BPI: variants seen among roughly 807,000 people sequenced by gnomAD.
The protein encoded by BPI is bactericidal permeability-increasing protein.
Under a neutral mutation model 57.6 loss-of-function variants are expected in BPI, and 48 were observed. The observed-to-expected ratio is 0.83, with a 90% confidence interval of 0.66 to 1.06. BPI has a LOEUF of 1.06. Ranked by LOEUF, BPI falls within the 50% of genes least tolerant of loss-of-function variation. The probability of loss-of-function intolerance (pLI) is 0.00; values close to 1 mark genes in which losing one functional copy is unlikely to be tolerated. For missense variants in BPI, 651 were observed against 609.7 expected, an observed-to-expected ratio of 1.07 and a Z score of -0.71; for synonymous variants, 237 against 238.2, an observed-to-expected ratio of 0.99 and a Z score of 0.05.
At chr20:38,309,477 T>A (rs2076612073) in intron 3 of BPI, among the ~76,000 whole-genome samples, 1 of 152,184 alleles carries the variant, frequency 6.6e-6, no homozygotes, top group African/African-American at 2.4e-5. Flanking sequence ...GCTCCACCTG[T>A]GTCTCCTCCT....
chr20:38,332,422 A>G (rs1306665632), intron 12 of BPI, among the ~76,000 whole-genome samples: 1 of 152,176 alleles, frequency 6.6e-6, no homozygotes, highest in African/African-American at 2.4e-5. Flanking sequence ...TTTTGGAAGT[A>G]GATTTAGAGA....
At chr20:38,314,634 G>GAATAA (rs2076642323) in intron 5 of BPI, among the ~76,000 whole-genome samples, 2 of 119,216 alleles carry the variant, frequency 1.7e-5, no homozygotes, top group African/African-American at 3.2e-5. Context: ...GATGATGATG[G>GAATAA]TGGTGATGGT....
intron 9 of BPI, 91 bp downstream of exon 9, chr20:38,324,924 C>T: frequency 9.9e-7 from 1 of 1,008,680 alleles, no homozygotes; most frequent in South Asian, 1.3e-5. Context: ...CTCCACCCAA[C>T]ATAACACACA....
At chr20:38,314,222 G>C (rs1297233731) in intron 5 of BPI, among the ~76,000 whole-genome samples, 2 of 149,482 alleles carry the variant, frequency 1.3e-5, no homozygotes, top group African/African-American at 4.9e-5. Flanking sequence ...TGATGGTGGT[G>C]ATGGTAATGG....
chr20:38,333,908 G>A (rs1268614585), intron 12 of BPI, among the ~76,000 whole-genome samples: 1 of 146,044 alleles, frequency 6.8e-6, no homozygotes, highest in African/African-American at 2.6e-5. Flanking sequence ...GTCTTGCTGT[G>A]TTGCCCAGGC....
In BPI at chr20:38,310,424, T is replaced by C; in HGVS notation, c.375-67T>C. 3 of 1,567,664 alleles carry C rather than the reference T, an allele frequency of 1.9e-6. No individual in the cohort carries two copies. The South Asian group carries it at 3.5e-5, about 19-fold the overall frequency. On this transcript the variant is annotated intron_variant, in intron 3 of 14. Coordinates refer to ENST00000642449, the MANE Select transcript of BPI (RefSeq NM_001725.3). ...AATAACAAAACCCGCCTTCCAGCAC[T>C]GGGGCAAAGTTTGAATGTCAGTGGG...
chr20:38,310,350 G>A lies in BPI; in HGVS notation c.375-141G>A, dbSNP rs889233039. ...CCATTCGGCTGCTATGTGATCTTGG[G>A]CAAGCTGCCTCTTCTCTCTGAACGT... On this transcript the variant is annotated intron_variant, in intron 3 of 14. Transcript: ENST00000642449. 18 of 1,014,322 alleles carry A rather than the reference G, an allele frequency of 1.8e-5. No homozygotes were observed. In the African/African-American group the frequency reaches 2.4e-4, roughly 14 times the overall value. 62.8% of individuals were successfully genotyped at this position (1,014,322 alleles called of 1,614,324 possible). A position where few individuals can be genotyped will look rare whatever the true frequency, so the allele number is the denominator to read the frequency against.
intron 11 of BPI, among the ~76,000 whole-genome samples, chr20:38,330,513 T>C (rs1037908333): frequency 6.6e-6 from 1 of 152,184 alleles, no homozygotes; most frequent in Admixed American, 6.5e-5. Flanking sequence ...GTATATTGGC[T>C]CAGGTAACTG....
intron 14 of BPI, among the ~76,000 whole-genome samples, chr20:38,336,306 C>A (rs770276038): frequency 4.6e-5 from 7 of 152,108 alleles, no homozygotes; most frequent in Non-Finnish European, 1.0e-4. Context: ...ATTGGCAAGC[C>A]TTCGTCACTC....
intron 7 of BPI, chr20:38,321,740 G>A (rs181972412): frequency 6.6e-6 from 1 of 152,246 alleles, no homozygotes; most frequent in East Asian, 1.9e-4. Context: ...AAGAGAGAGA[G>A]AGAGAGAATT....
intron 5 of BPI, among the ~76,000 whole-genome samples, chr20:38,315,652 G>T (rs1203460571): frequency 6.6e-6 from 1 of 152,154 alleles, no homozygotes; most frequent in Admixed American, 6.5e-5. Flanking sequence ...GAGAATGCCA[G>T]TCCAGGTCCT....
chr20:38,327,694 T>C (rs1249988610), intron 11 of BPI, 39 bp downstream of exon 11: 12 of 1,597,134 alleles, frequency 7.5e-6, no homozygotes, highest in Non-Finnish European at 1.0e-5. Context: ...GCTGCCCCTC[T>C]GTCCTTGGTG....
At position 38,323,924 on chromosome 20, in the gene BPI, A is replaced by G. The variant is rs1254078180; in HGVS notation, c.811A>G (p.Met271Val). 6 of 1,614,168 alleles carry G rather than the reference A, an allele frequency of 3.7e-6. No homozygotes were observed. Among genetic ancestry groups the G allele is most frequent in the Non-Finnish European group, 5.1e-6 (6 of 1,180,018 alleles). ...TCCACCTCCCTTTGCTCCACCAGTG[A>G]TGGAGTTTCCCGCTGCCCATGACCG... ...HNPPPFAPPV[M>V]EFPAAHDRMV... The change falls in exon 8 of 15, where the codon ATG (methionine) becomes GTG (valine). Residue 271 changes from methionine to valine, a missense_variant. Physicochemically the swap from Met to Val is conservative, Grantham distance 21. Transcript: ENST00000642449.
chr20:38,312,735 G>T (rs2076627605), intron 5 of BPI, among the ~76,000 whole-genome samples: 1 of 150,548 alleles, frequency 6.6e-6, no homozygotes, highest in South Asian at 2.1e-4. Context: ...CTAGGTGGAA[G>T]ATGTTGGTTT....
chr20:38,329,375 C>T (rs137956116), intron 11 of BPI, among the ~76,000 whole-genome samples: 3 of 152,230 alleles, frequency 2.0e-5, no homozygotes, highest in African/African-American at 7.2e-5. Context: ...CCAAGTCGTC[C>T]TTCTTCACCT....
intron 5 of BPI, among the ~76,000 whole-genome samples, chr20:38,313,817 GT>G: frequency 6.7e-6 from 1 of 150,286 alleles, no homozygotes; most frequent in East Asian, 2.0e-4. Context: ...GATGGTGATG[GT>G]GAGGATGATA....
chr20:38,312,108 A>T (rs1002415755), intron 5 of BPI, among the ~76,000 whole-genome samples, 171 bp downstream of exon 5: 1 of 152,086 alleles, frequency 6.6e-6, no homozygotes, highest in African/African-American at 2.4e-5. Context: ...GTTTTGCTGA[A>T]GAGTCCACCA....
intron 1 of BPI, 37 bp downstream of exon 1, chr20:38,304,390 G>A: frequency 6.2e-7 from 1 of 1,606,362 alleles, no homozygotes; most frequent in Non-Finnish European, 8.5e-7. Flanking sequence ...CTCCACCCCT[G>A]AGGAGCACTT....
rs141995387 is a variant in BPI, at chr20:38,334,410, A to ATCCTCCCT, written c.1273-19_1273-12dup. On this transcript the variant is annotated intron_variant, in intron 12 of 14. Transcript: ENST00000642449. Reference sequence around the variant, plus strand: ...TCTGGCGATGCAGGGCCATCCTCCCATCCTCCCTCTGATTTCCAGGTTGAA... The same window carrying ATCCTCCCT: ...TCTGGCGATGCAGGGCCATCCTCCCATCCTCCCTTCCTCCCTCTGATTTCCAGGTTGAA... 175 of 1,611,204 alleles carry ATCCTCCCT rather than the reference A, an allele frequency of 1.1e-4. No individual in the cohort carries two copies. The East Asian group carries it at 3.2e-3, about 29-fold the overall frequency.
Sources: gnomAD v4.1 joint callset for allele counts (sites outside exome capture counted in the v4.1 genomes callset) on GRCh38, gnomAD v4.1.1 for gene constraint, MANE v1.5 for transcripts, NCBI Gene and HGNC (gene_info 2026-07-23, HGNC 2026-07-21) for gene names.